The following CCDC39 variants were observed in gnomAD, a reference collection of about 807,000 sequenced individuals.
CCDC39 encodes the protein coiled-coil domain-containing protein 39.
A neutral mutation model predicts 121.0 loss-of-function variants in CCDC39; 113 were observed. That is an observed-to-expected ratio of 0.93 (90% CI 0.80 to 1.09). The LOEUF (loss-of-function observed/expected upper bound fraction) is 1.09. Ranked by LOEUF, CCDC39 falls within the 50% of genes least tolerant of loss-of-function variation. CCDC39 has a pLI of 0.00. For missense variants in CCDC39, 1,063 were observed against 1,074.7 expected (o/e 0.99, Z 0.15); for synonymous variants, 349 against 352.2 (o/e 0.99, Z 0.10).
At chr3:180,651,738 T>C (rs2108424238) in intron 8 of CCDC39, among the ~76,000 whole-genome samples, 1 of 152,242 alleles carries the variant, frequency 6.6e-6, no homozygotes, top group African/African-American at 2.4e-5. Context: ...TTTTTTTAAG[T>C]TTAATAACGT....
At chr3:180,626,924 A>G (rs1419055046) in intron 14 of CCDC39, among the ~76,000 whole-genome samples, 1 of 152,176 alleles carries the variant, frequency 6.6e-6, no homozygotes, top group Non-Finnish European at 1.5e-5. Context: ...TCCTAAATCT[A>G]CTACATCAAG....
In CCDC39 at chr3:180,616,294, A is replaced by G; in HGVS notation, c.2656T>C (p.Ser886Pro). Residue 886 changes from serine (S) to proline (P), a missense_variant, in exon 19 of 20, where the codon TCA (serine) becomes CCA (proline). By Grantham distance (74) the Ser-to-Pro change is moderately conservative (BLOSUM62 -1). Coordinates refer to ENST00000476379, the MANE Select transcript of CCDC39 (RefSeq NM_181426.2). Reference protein sequence around the residue: ...RQSSRSPSHTSLSARSSRSTS... With the variant: ...RQSSRSPSHTPLSARSSRSTS... ...CCCTCCGCTTACCTTGCTGATAGTG[A>G]AGTATGTGAAGGAGATCTAGAGCTC... 2 of 1,613,258 alleles carry G rather than the reference A, an allele frequency of 1.2e-6. No individual in the cohort carries two copies. Among genetic ancestry groups the G allele is most frequent in the Middle Eastern group, 1.7e-4 (1 of 6,054 alleles).
At chr3:180,627,807 G>A (rs925754647) in intron 14 of CCDC39, among the ~76,000 whole-genome samples, 1 of 152,176 alleles carries the variant, frequency 6.6e-6, no homozygotes, top group Non-Finnish European at 1.5e-5. Flanking sequence ...ACCAAAGACA[G>A]GAGCTATGAA....
chr3:180,619,505 C>A, intron 15 of CCDC39, 140 bp from the exon 16 acceptor site: 1 of 623,014 alleles, frequency 1.6e-6, no homozygotes, highest in Non-Finnish European at 2.8e-6. Flanking sequence ...ACACTATGGG[C>A]ATGTAGTAGC....
chr3:180,631,664 T>C, intron 13 of CCDC39, 72 bp from the exon 14 acceptor site: 6 of 1,299,218 alleles, frequency 4.6e-6, no homozygotes, highest in Non-Finnish European at 6.3e-6. Context: ...CAAGTGTTCT[T>C]ATTGAAGACA....
intron 1 of CCDC39, among the ~76,000 whole-genome samples, chr3:180,667,322 T>A (rs1711908033): frequency 6.6e-6 from 1 of 152,172 alleles, no homozygotes; most frequent in African/African-American, 2.4e-5. Flanking sequence ...ACACACTCCA[T>A]TTCATTGCAC....
At position 180,614,873 on chromosome 3, in the gene CCDC39, ATATTTT is replaced by A; in HGVS notation, c.*42_*47del. 6.7e-7 allele frequency: 1 copy of A among 1,500,778 alleles called. No individual in the cohort carries two copies. Among genetic ancestry groups the A allele is most frequent in the Non-Finnish European group, 9.0e-7 (1 of 1,110,842 alleles). 93.0% of individuals were successfully genotyped at this position (1,500,778 alleles called of 1,614,324 possible). ...GTTGGGTCGTTTTGTATTTTAAAGT[ATATTTT>A]TGTTTTTGTGTTTACAACTTTTTCA... On this transcript the variant is annotated 3_prime_UTR_variant, in exon 20 of 20. Transcript: ENST00000476379.
In CCDC39 at chr3:180,616,336, T is replaced by TGCTA. The variant is rs1717239779; in HGVS notation, c.2610_2613dup (p.Thr872Ter). Reference sequence around the variant, plus strand: ...CTAGAGCTCTGACGACTGCCTTTTGTGCTAGCTGTAGGTAGTTCTAACCCA... The same window carrying TGCTA: ...CTAGAGCTCTGACGACTGCCTTTTGTGCTAGCTAGCTGTAGGTAGTTCTAACCCA... On this transcript the variant is annotated stop_gained and frameshift_variant, in exon 19 of 20. Coordinates refer to ENST00000476379, the MANE Select transcript of CCDC39 (RefSeq NM_181426.2). LOFTEE classifies it high-confidence loss of function. 4 of 1,613,178 alleles carry TGCTA rather than the reference T, an allele frequency of 2.5e-6. No homozygotes were observed. Among genetic ancestry groups the TGCTA allele is most frequent in the African/African-American group, 1.3e-5 (1 of 74,872 alleles).
At chr3:180,636,323 T>C (rs1717828056) in intron 13 of CCDC39, among the ~76,000 whole-genome samples, 1 of 152,004 alleles carries the variant, frequency 6.6e-6, no homozygotes, top group South Asian at 2.1e-4. Context: ...GCCAAGCCAA[T>C]AGCCAAATCA....
intron 14 of CCDC39, among the ~76,000 whole-genome samples, chr3:180,623,414 G>C (rs1717479736): frequency 6.6e-6 from 1 of 151,798 alleles, no homozygotes; most frequent in Non-Finnish European, 1.5e-5. Context: ...TAATTTCCTT[G>C]ATCATTTGTA....
chr3:180,618,908 G>T (rs866067964), intron 16 of CCDC39, among the ~76,000 whole-genome samples: 1 of 152,086 alleles, frequency 6.6e-6, no homozygotes, highest in Middle Eastern at 3.4e-3. Context: ...CTTTCTACTA[G>T]ATTATTATTT....
chr3:180,652,807 A>C (rs1457548088), intron 7 of CCDC39, among the ~76,000 whole-genome samples: 3 of 152,172 alleles, frequency 2.0e-5, no homozygotes, highest in Non-Finnish European at 1.5e-5. Flanking sequence ...AAATTCAGTA[A>C]GGTTTCTGGA....
intron 1 of CCDC39, among the ~76,000 whole-genome samples, chr3:180,665,502 G>A (rs1050117794): frequency 6.6e-6 from 1 of 151,986 alleles, no homozygotes; most frequent in Non-Finnish European, 1.5e-5. Context: ...TCATTTGTAT[G>A]TCCTATACTA....
intron 1 of CCDC39, among the ~76,000 whole-genome samples, chr3:180,668,747 C>T (rs530801255): frequency 3.3e-5 from 5 of 152,146 alleles, no homozygotes; most frequent in Non-Finnish European, 7.4e-5. Flanking sequence ...TTTGCTTAAG[C>T]TTAATAGCAA....
chr3:180,678,232 T>A (rs1298437857), intron 1 of CCDC39, among the ~76,000 whole-genome samples: 1 of 152,198 alleles, frequency 6.6e-6, no homozygotes, highest in Non-Finnish European at 1.5e-5. Flanking sequence ...CTAGATCCCT[T>A]ACATTTCCTA....
intron 8 of CCDC39, among the ~76,000 whole-genome samples, chr3:180,651,828 G>A (rs1339530817): frequency 6.6e-6 from 1 of 152,142 alleles, no homozygotes; most frequent in Non-Finnish European, 1.5e-5. Context: ...ACGAGGTCAG[G>A]AGATCAAGAC....
chr3:180,619,454 TG>T, intron 15 of CCDC39, 89 bp from the exon 16 acceptor site: 1 of 728,534 alleles, frequency 1.4e-6, no homozygotes, highest in East Asian at 2.8e-5. Flanking sequence ...CCAATATTTT[TG>T]TTATGAAAGT....
intron 9 of CCDC39, among the ~76,000 whole-genome samples, chr3:180,648,739 C>G (rs1161133784): frequency 6.6e-6 from 1 of 152,158 alleles, no homozygotes; most frequent in Non-Finnish European, 1.5e-5. Flanking sequence ...ATCACACCAC[C>G]CAATCTCCCA....
At chr3:180,623,054 C>T (rs1459354296) in intron 14 of CCDC39, among the ~76,000 whole-genome samples, 2 of 148,540 alleles carry the variant, frequency 1.3e-5, no homozygotes, top group Non-Finnish European at 3.0e-5. Flanking sequence ...TTACCCTGGG[C>T]TTTTTTGTTG....
Sources: gnomAD v4.1 joint callset for allele counts (sites outside exome capture counted in the v4.1 genomes callset) on GRCh38, gnomAD v4.1.1 for gene constraint, MANE v1.5 for transcripts, NCBI Gene and HGNC (gene_info 2026-07-23, HGNC 2026-07-21) for gene names.